Variants in ZNF469 observed in about 807,000 individuals in gnomAD.
The protein encoded by ZNF469 is zinc finger protein 469.
A neutral mutation model predicts 1.0 loss-of-function variants in ZNF469; 1 was observed. That is an observed-to-expected ratio of 1.00 (90% CI 0.35 to 4.73). The LOEUF (loss-of-function observed/expected upper bound fraction) is 4.73, where lower values mean the gene tolerates loss of function less well. Among genes scored for constraint, ZNF469 ranks in the 30% most tolerant of loss-of-function variants. ZNF469 has a pLI of 0.16. For synonymous variants in ZNF469, 2,703 were observed against 2,363.4 expected (o/e 1.14, Z -4.17); for missense variants, 6,100 against 5,356.3 (o/e 1.14, Z -4.33).
At chr16:88,238,422 A>G in the ZNF469 span, among the ~76,000 whole-genome samples, 61 of 152,076 alleles carry the variant, frequency 4.0e-4, no homozygotes, top group African/African-American at 1.3e-3. Context: ...AGATAGATAG[A>G]CCCTAGGTAG....
the ZNF469 span, among the ~76,000 whole-genome samples, chr16:88,231,397 T>C: frequency 6.6e-6 from 1 of 152,224 alleles, no homozygotes; most frequent in Non-Finnish European, 1.5e-5. The surrounding 1 kb of genome is among the most constrained non-coding windows in gnomAD (Gnocchi z 4.5). Flanking sequence ...GGTGGTGTCC[T>C]TTCTTGGAAT....
At chr16:88,153,265 C>T in the ZNF469 span, among the ~76,000 whole-genome samples, 1,766 of 152,296 alleles carry the variant, frequency 0.012, 38 homozygotes, top group African/African-American at 0.04. Context: ...GGTGTCCCCT[C>T]GCCTTCGTGG....
chr16:88,132,402 C>T, the ZNF469 span, among the ~76,000 whole-genome samples: 1 of 152,356 alleles, frequency 6.6e-6, no homozygotes, highest in African/African-American at 2.4e-5. Context: ...GGGTGCTCAG[C>T]CCACCCAGAG....
chr16:88,185,433 C>T, the ZNF469 span, among the ~76,000 whole-genome samples: 1 of 152,096 alleles, frequency 6.6e-6, no homozygotes, highest in African/African-American at 2.4e-5. Context: ...ACAATAGAAA[C>T]ACATGCATAC....
the ZNF469 span, among the ~76,000 whole-genome samples, chr16:88,355,043 TG>T: frequency 6.6e-6 from 1 of 150,534 alleles, no homozygotes; most frequent in African/African-American, 2.4e-5. Context: ...TCAGGGAACG[TG>T]GGCTCGCGGC....
the ZNF469 span, among the ~76,000 whole-genome samples, chr16:88,317,298 C>G: frequency 2.0e-5 from 3 of 152,266 alleles, no homozygotes; most frequent in African/African-American, 7.2e-5. Context: ...TCCGTGGAGC[C>G]TCCTTCTGCC....
At chr16:88,185,630 GCA>G in the ZNF469 span, among the ~76,000 whole-genome samples, 4 of 149,944 alleles carry the variant, frequency 2.7e-5, no homozygotes, top group South Asian at 2.1e-4. Flanking sequence ...ACTCACATTT[GCA>G]CACTCACACA....
upstream of ZNF469, among the ~76,000 whole-genome samples, chr16:88,381,760 T>C (rs1567496365): frequency 2.0e-5 from 3 of 152,266 alleles, no homozygotes; most frequent in Admixed American, 1.3e-4. Context: ...GAATGCCATG[T>C]GCTGCGATGC....
chr16:88,270,828 T>C, the ZNF469 span, among the ~76,000 whole-genome samples: 869 of 152,384 alleles, frequency 5.7e-3, 22 homozygotes, highest in East Asian at 0.013. Context: ...CAAGAACTTC[T>C]GGGCTTTGAG....
chr16:88,179,226 G>A, the ZNF469 span, among the ~76,000 whole-genome samples: 132,155 of 152,190 alleles, frequency 0.87, 57,812 homozygotes, highest in East Asian at 1. Context: ...GCCTACGGGC[G>A]GGGGTTTGGG....
chr16:88,389,544 C>T (rs1027751054), intron 1 of ZNF469, among the ~76,000 whole-genome samples: 6 of 152,200 alleles, frequency 3.9e-5, no homozygotes, highest in Admixed American at 3.9e-4. Context: ...TGCTTCGTCC[C>T]GTGGCCACCC....
At chr16:88,143,412 G>A in the ZNF469 span, among the ~76,000 whole-genome samples, 1 of 152,188 alleles carries the variant, frequency 6.6e-6, no homozygotes, top group African/African-American at 2.4e-5. Context: ...CGAGCAGGGT[G>A]GGGCACCGAG....
chr16:88,321,530 C>A, the ZNF469 span, among the ~76,000 whole-genome samples: 2 of 152,072 alleles, frequency 1.3e-5, no homozygotes, highest in Admixed American at 1.3e-4. Flanking sequence ...ATGCAGCCCT[C>A]GAATTCTGCA....
At chr16:88,226,419 G>C in the ZNF469 span, among the ~76,000 whole-genome samples, 2 of 152,064 alleles carry the variant, frequency 1.3e-5, no homozygotes, top group African/African-American at 4.8e-5. Flanking sequence ...AGGACCCCCA[G>C]GATCGTCAGG....
At chr16:88,272,647 C>T in the ZNF469 span, among the ~76,000 whole-genome samples, 7 of 149,670 alleles carry the variant, frequency 4.7e-5, no homozygotes, top group Non-Finnish European at 7.4e-5. Flanking sequence ...TATGGGTAGA[C>T]GAGTGGACAG....
the ZNF469 span, among the ~76,000 whole-genome samples, chr16:88,265,699 A>T: frequency 2.1e-4 from 32 of 152,320 alleles, no homozygotes; most frequent in African/African-American, 7.7e-4. Context: ...GTCCTGGGTC[A>T]CAGGGTGCTG....
At chr16:88,339,143 A>C in the ZNF469 span, among the ~76,000 whole-genome samples, 1 of 122,088 alleles carries the variant, frequency 8.2e-6, no homozygotes, top group Non-Finnish European at 1.6e-5. Flanking sequence ...CGAGAGTGGG[A>C]GCCAGGGAGG....
chr16:88,170,268 C>T, the ZNF469 span, among the ~76,000 whole-genome samples: 2 of 152,198 alleles, frequency 1.3e-5, no homozygotes, highest in Non-Finnish European at 2.9e-5. This position sits in a 1 kb window ranked among gnomAD's most constrained non-coding sequence, Gnocchi z 4.2. Flanking sequence ...TCACATCCAT[C>T]GCCCTACAGT....
the ZNF469 span, among the ~76,000 whole-genome samples, chr16:88,250,742 C>T: frequency 1.3e-5 from 2 of 152,134 alleles, no homozygotes; most frequent in South Asian, 2.1e-4. Context: ...TTTCTTCTTC[C>T]AACCCCAATC....
Sources: gnomAD v4.1 joint callset for allele counts (sites outside exome capture counted in the v4.1 genomes callset) on GRCh38, gnomAD v4.1.1 for gene constraint, Gnocchi (gnomAD v3.1) non-coding constraint, MANE v1.5 for transcripts, NCBI Gene and HGNC (gene_info 2026-07-23, HGNC 2026-07-21) for gene names.